SLC4A9: variants seen among roughly 807,000 people sequenced by gnomAD.
SLC4A9 encodes anion exchange protein 4.
SLC4A9 carries 102 observed loss-of-function variants against 103.2 expected under a neutral mutation model. The observed-to-expected ratio is 0.99, with a 90% CI of 0.84 to 1.17. SLC4A9 has a LOEUF of 1.17. Among genes scored for constraint, SLC4A9 ranks in the 50% most tolerant of loss-of-function variants. SLC4A9 has a pLI of 0.00. For synonymous variants in SLC4A9, 453 were observed against 483.6 expected (o/e 0.94, Z 0.83); for missense variants, 1,091 against 1,193.7 (o/e 0.91, Z 1.27).
In SLC4A9 at chr5:140,367,483, G is replaced by A. The variant is rs774995167; in HGVS notation, c.2077G>A (p.Val693Met). ...PFGANPWWWSVAAALPALLLS... is the reference protein window; with the variant it reads ...PFGANPWWWSMAAALPALLLS... ...TGGAGCCAACCCCTGGTGGTGGAGT[G>A]TGGCAGCTGCCCTGCCTGCCCTGCT... The change falls in exon 15 of 22, where the codon GTG (valine) becomes ATG (methionine). Residue 693 changes from valine (V) to methionine (M), a missense_variant. Coordinates refer to ENST00000506757, the MANE Select transcript of SLC4A9 (RefSeq NM_031467.3). 21 of 1,607,154 alleles carry A rather than the reference G, an allele frequency of 1.3e-5. No homozygotes were observed. Among genetic ancestry groups the A allele is most frequent in the Non-Finnish European group, 1.8e-5 (21 of 1,177,344 alleles).
rs548399829 is a variant in SLC4A9, at chr5:140,371,514, C to A, written c.2560C>A (p.Arg854=). ...AKHQPDLLLL[R]HVPLTRVHLF... ...ACACCAGCCAGACCTGCTACTCTTG[C>A]GGCATGTGCCTCTGACCAGGGTCCA... The change falls in exon 19 of 22, where the codon CGG becomes AGG. Residue 854 remains arginine (R), a synonymous_variant. Coordinates refer to ENST00000506757, the MANE Select transcript of SLC4A9 (RefSeq NM_031467.3). 3 of 1,614,034 alleles carry A rather than the reference C, an allele frequency of 1.9e-6. No individual in the cohort carries two copies. Among genetic ancestry groups the A allele is most frequent in the Non-Finnish European group, 2.5e-6 (3 of 1,179,874 alleles).
intron 17 of SLC4A9, among the ~76,000 whole-genome samples, chr5:140,370,199 C>G (rs554052473): frequency 2.0e-5 from 3 of 152,192 alleles, no homozygotes; most frequent in East Asian, 3.9e-4. Context: ...CACGGTGGCT[C>G]ACGCCTGTAA....
At position 140,363,329 on chromosome 5, in the gene SLC4A9, C is replaced by G. The variant is rs777247292; in HGVS notation, c.963-110C>G. On this transcript the variant is annotated intron_variant, in intron 7 of 21. Transcript: ENST00000506757. The surrounding 1 kb of genome is among the most constrained non-coding windows in gnomAD (Gnocchi z 4.5). ...GGCCCAGGTGTCGCCATGGTTCCCTCGCCGGCAGAGACAAGAGCAGCCGCT... is the reference window on the plus strand; with the variant it reads ...GGCCCAGGTGTCGCCATGGTTCCCTGGCCGGCAGAGACAAGAGCAGCCGCT... 9 of 1,091,954 alleles carry G rather than the reference C, an allele frequency of 8.2e-6. No individual in the cohort carries two copies. The highest frequency in any genetic ancestry group is 1.2e-5 in the Non-Finnish European group (9 of 759,196). 67.6% of individuals were successfully genotyped at this position (1,091,954 alleles called of 1,614,324 possible).
At position 140,372,736 on chromosome 5, in the gene SLC4A9, C is replaced by T. The variant is rs1581169667; in HGVS notation, c.2827-9C>T. The T allele has an allele frequency of 6.4e-7, 1 of 1,570,540 alleles. No individual in the cohort carries two copies. Among genetic ancestry groups the T allele is most frequent in the Non-Finnish European group, 8.6e-7 (1 of 1,157,904 alleles). ...ATTCTCAATCCATCTTGGGATCTGTCTTCCACAGTCAGAGCTGATGTATCA... is the reference window on the plus strand; with the variant it reads ...ATTCTCAATCCATCTTGGGATCTGTTTTCCACAGTCAGAGCTGATGTATCA... On this transcript the variant is annotated splice_polypyrimidine_tract_variant and intron_variant, in intron 20 of 21. Transcript: ENST00000506757.
rs774340828 is a variant in SLC4A9, at chr5:140,366,006, G to A, written c.1883G>A (p.Arg628His). The change falls in exon 13 of 22, where the codon CGC (arginine) becomes CAC (histidine). Residue 628 changes from arginine to histidine, a missense_variant. Physicochemically the swap from Arg to His is conservative, Grantham distance 29. Transcript: ENST00000506757. ...GCCCTCAAGTGTGTAAAGACCAGCC[G>A]CTTCTTCCCCTCTGTGGTGAGTTTC... ...AMALKCVKTS[R>H]FFPSVVRKGL... 1.5e-5 allele frequency: 25 copies of A among 1,613,768 alleles called. No homozygotes were observed. Among genetic ancestry groups the A allele is most frequent in the Middle Eastern group, 3.3e-4 (2 of 6,082 alleles).
intron 11 of SLC4A9, 134 bp downstream of exon 11, chr5:140,364,759 T>C: frequency 1.9e-6 from 2 of 1,069,954 alleles, no homozygotes; most frequent in African/African-American, 3.2e-5. Context: ...CAGTACTATT[T>C]ACACTCTGGT....
In SLC4A9 at chr5:140,363,202, C is replaced by G. The variant is rs906496303; in HGVS notation, c.962+136C>G. On this transcript the variant is annotated intron_variant, in intron 7 of 21. Coordinates refer to ENST00000506757, the MANE Select transcript of SLC4A9 (RefSeq NM_031467.3). The surrounding 1 kb of genome is among the most constrained non-coding windows in gnomAD (Gnocchi z 4.5). ...GATTTGGAGTCAGGCAGACCTAACTCTGAGTTCTGCTGGACTACTCTCTCG... is the reference window on the plus strand; with the variant it reads ...GATTTGGAGTCAGGCAGACCTAACTGTGAGTTCTGCTGGACTACTCTCTCG... 13 of 1,185,540 alleles carry G rather than the reference C, an allele frequency of 1.1e-5. No individual in the cohort carries two copies. The highest frequency in any genetic ancestry group is 1.5e-5 in the Non-Finnish European group (13 of 842,994). The allele number at this position is 1,185,540 out of a possible 1,614,324, so 73.4% of individuals were successfully genotyped here.
Position 140,368,664 on chromosome 5 carries a change from C to G in SLC4A9, c.2427+5C>G. On this transcript the variant is annotated splice_donor_5th_base_variant and intron_variant, in intron 17 of 21. Coordinates refer to ENST00000506757, the MANE Select transcript of SLC4A9 (RefSeq NM_031467.3). Reference sequence around the variant, plus strand: ...TTCCTGGCACCTGTGCTCAAGGTACCTTTGTTATACAAGCCAGGATCAGGG... The same window carrying G: ...TTCCTGGCACCTGTGCTCAAGGTACGTTTGTTATACAAGCCAGGATCAGGG... 1 of 1,612,398 alleles carries G rather than the reference C, an allele frequency of 6.2e-7. No individual in the cohort carries two copies. The highest frequency in any genetic ancestry group is 1.1e-5 in the South Asian group (1 of 90,848).
intron 10 of SLC4A9, 60 bp from the exon 11 acceptor site, chr5:140,364,303 G>A (rs1387057969): frequency 6.2e-6 from 10 of 1,604,678 alleles, no homozygotes; most frequent in South Asian, 2.2e-5. Flanking sequence ...CACCTGACCT[G>A]GGTTTAGTGG....
intron 16 of SLC4A9, among the ~76,000 whole-genome samples, chr5:140,368,147 G>A (rs545009135): frequency 1.3e-5 from 2 of 152,330 alleles, no homozygotes; most frequent in Non-Finnish European, 2.9e-5. Flanking sequence ...AGCCAGGGCT[G>A]AAGTGGAGGG....
At chr5:140,371,042 T>C (rs182006266) in intron 17 of SLC4A9, 53 bp from the exon 18 acceptor site, 1 of 1,539,536 alleles carries the variant, frequency 6.5e-7, no homozygotes, top group Admixed American at 1.9e-5. Flanking sequence ...TCCTGGGGCA[T>C]CTGGGAGGTT....
At chr5:140,370,211 C>A (rs1355513275) in intron 17 of SLC4A9, among the ~76,000 whole-genome samples, 1 of 152,008 alleles carries the variant, frequency 6.6e-6, no homozygotes, top group Non-Finnish European at 1.5e-5. Context: ...CGCCTGTAAT[C>A]CCAGCACTTT....
chr5:140,372,500 T>G, intron 20 of SLC4A9, 103 bp downstream of exon 20: 2 of 1,531,680 alleles, frequency 1.3e-6, no homozygotes, highest in Non-Finnish European at 1.7e-6. Context: ...AGCCCGCAGA[T>G]CTGATCAACA....
Position 140,360,354 on chromosome 5 carries a change from C to G in SLC4A9, c.118C>G (p.Pro40Ala). 1.2e-6 allele frequency: 2 copies of G among 1,610,844 alleles called. No individual in the cohort carries two copies. The highest frequency in any genetic ancestry group is 1.7e-6 in the Non-Finnish European group (2 of 1,178,520). Residue 40 changes from proline to alanine, a missense_variant, in exon 1 of 22, where the codon CCC becomes GCC. Physicochemically the swap from Pro to Ala is conservative, Grantham distance 27. Transcript: ENST00000506757. ...TGGCACCGGCCCCAGCCCTGATGGC[C>G]CCTCAGACACAGAGAGCAAGGAACT... ...DPGTGPSPDG[P>A]SDTESKELGV...
At position 140,360,264 on chromosome 5, in the gene SLC4A9, G is replaced by C; in HGVS notation, c.28G>C (p.Gly10Arg). 6.2e-7 allele frequency: 1 copy of C among 1,612,000 alleles called. No homozygotes were observed. The highest frequency in any genetic ancestry group is 8.5e-7 in the Non-Finnish European group (1 of 1,179,034). MEMKLPGQE[G>R]FEASSAPRNI... ...GGAAATGAAGCTGCCAGGCCAGGAA[G>C]GGTTTGAAGCCTCCAGTGCTCCTAG... The change falls in exon 1 of 22, where the codon GGG becomes CGG. Residue 10 changes from glycine to arginine, a missense_variant. Coordinates refer to ENST00000506757, the MANE Select transcript of SLC4A9 (RefSeq NM_031467.3).
At position 140,365,894 on chromosome 5, in the gene SLC4A9, C is replaced by T; in HGVS notation, c.1771C>T (p.His591Tyr). ...PPPECTRQGG[H>Y]PRGPGCHTVP... Reference sequence around the variant, plus strand: ...ACCTGAGTGCACCCGGCAGGGAGGCCACCCTCGTGGCCCTGGCTGTCATAC... The same window carrying T: ...ACCTGAGTGCACCCGGCAGGGAGGCTACCCTCGTGGCCCTGGCTGTCATAC... Residue 591 changes from histidine to tyrosine, a missense_variant, in exon 13 of 22, where the codon CAC becomes TAC. Physicochemically the swap from His to Tyr is moderately conservative, Grantham distance 83. Coordinates refer to ENST00000506757, the MANE Select transcript of SLC4A9 (RefSeq NM_031467.3). 1.9e-6 allele frequency: 3 copies of T among 1,614,012 alleles called. No individual in the cohort carries two copies. Among genetic ancestry groups the T allele is most frequent in the Non-Finnish European group, 2.5e-6 (3 of 1,179,890 alleles).
chr5:140,371,163 G>A lies in SLC4A9; in HGVS notation c.2496G>A (p.Gln832=). The stretch of plus-strand genomic sequence containing the variant: ...GGGTGGCAGCGCTCAGCAGCATTCA[G>A]GTGAGCCCATTAAAATCACCTAACA... ...YMGVAALSSI[Q]FTNRVKLLLM... is the part of the protein sequence containing the mutation. The change falls in exon 18 of 22, where the codon CAG becomes CAA. Residue 832 remains glutamine, a splice_region_variant and synonymous_variant. Coordinates refer to ENST00000506757, the MANE Select transcript of SLC4A9 (RefSeq NM_031467.3). 1 of 1,609,732 alleles carries A rather than the reference G, an allele frequency of 6.2e-7. No individual in the cohort carries two copies. Among genetic ancestry groups the A allele is most frequent in the Non-Finnish European group, 8.5e-7 (1 of 1,177,822 alleles).
chr5:140,365,653 C>T (rs2126766674), intron 12 of SLC4A9, 75 bp downstream of exon 12: 1 of 1,524,222 alleles, frequency 6.6e-7, no homozygotes, highest in East Asian at 2.3e-5. Context: ...CTAGCTCTTC[C>T]TACCCATAGG....
chr5:140,368,606 C>G lies in SLC4A9; in HGVS notation c.2374C>G (p.Leu792Val), dbSNP rs1258120943. 1 of 1,613,340 alleles carries G rather than the reference C, an allele frequency of 6.2e-7. No individual in the cohort carries two copies. The highest frequency in any genetic ancestry group is 8.5e-7 in the Non-Finnish European group (1 of 1,179,776). Residue 792 changes from leucine (L) to valine (V), a missense_variant, in exon 17 of 22, where the codon CTG becomes GTG. Coordinates refer to ENST00000506757, the MANE Select transcript of SLC4A9 (RefSeq NM_031467.3). The part of the protein sequence containing the change: ...LGIREQRLTG[L>V]VVFILTGASI... ...CCACAGGGAACAGAGGCTGACAGGC[C>G]TGGTGGTGTTCATCCTTACAGGAGC...
Sources: allele counts gnomAD v4.1 joint callset (sites outside exome capture counted in the v4.1 genomes callset), GRCh38; gene constraint gnomAD v4.1.1; non-coding constraint Gnocchi (gnomAD v3.1); transcripts MANE v1.5; gene names NCBI Gene and HGNC (gene_info 2026-07-23, HGNC 2026-07-21).